Variants in CCBE1 observed in about 807,000 individuals in gnomAD.
CCBE1 encodes the protein collagen and calcium binding EGF domains 1, also known as collagen and calcium-binding EGF domain-containing protein 1.
In CCBE1, 37 loss-of-function variants were observed where a neutral mutation model predicts 50.0. That is an observed-to-expected ratio of 0.74 (90% CI 0.57 to 0.97). The LOEUF (loss-of-function observed/expected upper bound fraction) is 0.97, where lower values mean the gene tolerates loss of function less well. Among genes scored for constraint, CCBE1 ranks in the 50% least tolerant of loss-of-function variants. The pLI is 0.00. For synonymous variants in CCBE1, 234 were observed against 203.7 expected, an observed-to-expected ratio of 1.15 and a Z score of -1.27; for missense variants, 538 against 523.8, an observed-to-expected ratio of 1.03 and a Z score of -0.26.
chr18:59,607,199 G>A (rs1362676231), intron 2 of CCBE1, among the ~76,000 whole-genome samples: 4 of 152,144 alleles, frequency 2.6e-5, no homozygotes, highest in Non-Finnish European at 4.4e-5. Flanking sequence ...TTTTTACAAT[G>A]CAGATTTGGT....
rs373652074 is a variant in CCBE1, at chr18:59,433,891, CTTTTTTTTTTTTT to C, written c.*2004_*2016del. The C allele has an allele frequency of 1.3e-4, 9 of 70,066 alleles. No individual in the cohort carries two copies. The highest frequency in any genetic ancestry group is 2.1e-4 in the Admixed American group (1 of 4,842). The allele number at this position is 70,066 out of a possible 1,614,324, so 4.3% of individuals were successfully genotyped here. On this transcript the variant is annotated 3_prime_UTR_variant, in exon 11 of 11. Transcript: ENST00000439986. ...ACAGGCATGAGCCACCAAGCCCGGC[CTTTTTTTTTTTTT>C]TTTTTTTTTTTTAATGAGACAGAGT... is the stretch of plus-strand genomic sequence containing the variant.
At chr18:59,447,572 G>C (rs931606800) in intron 7 of CCBE1, among the ~76,000 whole-genome samples, 2 of 152,188 alleles carry the variant, frequency 1.3e-5, no homozygotes, top group African/African-American at 4.8e-5. Flanking sequence ...AGGAAGACTG[G>C]GGAGCAGTAG....
At chr18:59,551,608 G>A (rs2851871) in intron 2 of CCBE1, among the ~76,000 whole-genome samples, 100,241 of 152,070 alleles carry the variant, frequency 0.66, 33,227 homozygotes, top group East Asian at 0.79. Flanking sequence ...AAACACCATT[G>A]TGTAGCACAT....
At chr18:59,489,014 G>A (rs1912963149) in intron 2 of CCBE1, among the ~76,000 whole-genome samples, 1 of 152,152 alleles carries the variant, frequency 6.6e-6, no homozygotes, top group Admixed American at 6.5e-5. Context: ...AGTAAAACAG[G>A]GACCAGGGTC....
At chr18:59,560,302 C>T (rs1261751293) in intron 2 of CCBE1, among the ~76,000 whole-genome samples, 1 of 152,158 alleles carries the variant, frequency 6.6e-6, no homozygotes, top group Non-Finnish European at 1.5e-5. Context: ...TCCAGTATTC[C>T]TTAATAAAAA....
chr18:59,447,321 T>A (rs1910721597), intron 7 of CCBE1, among the ~76,000 whole-genome samples: 1 of 152,052 alleles, frequency 6.6e-6, no homozygotes, highest in Admixed American at 6.6e-5. Context: ...GACTGGGAGT[T>A]GGGGAAGTGG....
intron 2 of CCBE1, among the ~76,000 whole-genome samples, chr18:59,571,806 T>C (rs1396925536): frequency 6.6e-6 from 1 of 152,234 alleles, no homozygotes; most frequent in Non-Finnish European, 1.5e-5. Context: ...GTATGATCCT[T>C]ACTTTGGAAT....
At chr18:59,560,631 G>A (rs1482326573) in intron 2 of CCBE1, among the ~76,000 whole-genome samples, 3 of 152,150 alleles carry the variant, frequency 2.0e-5, no homozygotes, top group African/African-American at 7.2e-5. Flanking sequence ...ACCTACATGG[G>A]ATTAAACAAA....
chr18:59,540,791 C>T (rs1915436734), intron 2 of CCBE1, among the ~76,000 whole-genome samples: 1 of 152,180 alleles, frequency 6.6e-6, no homozygotes. Flanking sequence ...GTTAAGTACT[C>T]ATAACAGATT....
At chr18:59,514,617 T>G (rs1178483432) in intron 2 of CCBE1, among the ~76,000 whole-genome samples, 1 of 79,850 alleles carries the variant, frequency 1.3e-5, no homozygotes, top group South Asian at 3.6e-4. Context: ...CATGCTCTCC[T>G]GTTTTTTTTT....
At chr18:59,668,515 TATATC>T (rs1217183904) in intron 2 of CCBE1, among the ~76,000 whole-genome samples, 2 of 152,238 alleles carry the variant, frequency 1.3e-5, no homozygotes, top group African/African-American at 4.8e-5. Context: ...GTTCACATAA[TATATC>T]ATAAGCATAT....
intron 2 of CCBE1, among the ~76,000 whole-genome samples, chr18:59,516,956 T>C (rs942964373): frequency 6.6e-6 from 1 of 152,176 alleles, no homozygotes; most frequent in Admixed American, 6.5e-5. Context: ...CAGGTTATCT[T>C]AAAATAAACC....
chr18:59,549,247 T>C (rs982865790), intron 2 of CCBE1, among the ~76,000 whole-genome samples: 2 of 152,188 alleles, frequency 1.3e-5, no homozygotes, highest in Non-Finnish European at 2.9e-5. Flanking sequence ...TATAGCAGTG[T>C]TCTAGAAATG....
chr18:59,530,112 C>T (rs575256314), intron 2 of CCBE1, among the ~76,000 whole-genome samples: 43 of 152,228 alleles, frequency 2.8e-4, no homozygotes, highest in Non-Finnish European at 3.1e-4. Flanking sequence ...TCTACAGCCA[C>T]CCTTTCCCCT....
chr18:59,522,948 C>T (rs1051593291), intron 2 of CCBE1, among the ~76,000 whole-genome samples: 4 of 143,108 alleles, frequency 2.8e-5, no homozygotes, highest in East Asian at 2.0e-4. Flanking sequence ...GCAGAGATCG[C>T]GCCACTGCAC....
At position 59,615,793 on chromosome 18, in the gene CCBE1, C is replaced by T. The variant is rs28602759; in HGVS notation, c.212+80836G>A. On this transcript the variant is annotated intron_variant, in intron 2 of 10. Coordinates refer to ENST00000439986, the MANE Select transcript of CCBE1 (RefSeq NM_133459.4). Reference sequence around the variant, plus strand: ...TTACAAGGGACCTTTGTTTTGTTCACGGACATAGCTAGAACAGTGCACATG... The same window carrying T: ...TTACAAGGGACCTTTGTTTTGTTCATGGACATAGCTAGAACAGTGCACATG... 9.6e-3 allele frequency among the ~76,000 whole-genome samples: 1,465 copies of T among 152,174 alleles called. 28 individuals carry two copies. Among genetic ancestry groups the T allele is most frequent in the African/African-American group, 0.034 (1,402 of 41,512 alleles).
At chr18:59,545,610 C>T (rs185067678) in intron 2 of CCBE1, among the ~76,000 whole-genome samples, 33 of 152,232 alleles carry the variant, frequency 2.2e-4, no homozygotes, top group Middle Eastern at 6.8e-3. Flanking sequence ...AATGAAATAC[C>T]AATGATAAGG....
chr18:59,448,152 G>A (rs1377783002), intron 6 of CCBE1, 49 bp from the exon 7 acceptor site: 10 of 1,611,170 alleles, frequency 6.2e-6, no homozygotes, highest in South Asian at 3.3e-5. Flanking sequence ...GCAGAAGAGA[G>A]CCTCGGCATT....
chr18:59,661,034 T>C (rs989549379), intron 2 of CCBE1, among the ~76,000 whole-genome samples: 2 of 152,100 alleles, frequency 1.3e-5, no homozygotes, highest in Non-Finnish European at 1.5e-5. Context: ...AAAATACGTA[T>C]TTTTTTCTCC....
Sources: gnomAD v4.1 joint callset for allele counts (sites outside exome capture counted in the v4.1 genomes callset) on GRCh38, gnomAD v4.1.1 for gene constraint, MANE v1.5 for transcripts, NCBI Gene and HGNC (gene_info 2026-07-23, HGNC 2026-07-21) for gene names.